Variants in NOX5 observed in about 807,000 individuals in gnomAD.
NOX5 encodes the protein NADPH oxidase, EF-hand calcium binding domain 5.
NOX5 carries 76 observed loss-of-function variants against 85.7 expected under a neutral mutation model. That is an observed-to-expected ratio of 0.89 (90% confidence interval 0.74 to 1.07). The LOEUF (loss-of-function observed/expected upper bound fraction) is 1.07. NOX5 is among the 50% of genes least tolerant of loss of function. The pLI, the probability that NOX5 is intolerant of heterozygous loss-of-function variation, is 0.00. For missense variants in NOX5, 973 were observed against 999.5 expected, an observed-to-expected ratio of 0.97 and a Z score of 0.36; for synonymous variants, 405 against 401.4, an observed-to-expected ratio of 1.01 and a Z score of -0.11.
At chr15:69,048,464 C>G (rs2050704008) in intron 13 of NOX5, among the ~76,000 whole-genome samples, 1 of 152,052 alleles carries the variant, frequency 6.6e-6, no homozygotes, top group South Asian at 2.1e-4. Context: ...GCCCAGGAGG[C>G]AGAGGTTGCA....
chr15:69,042,695 C>A lies in NOX5; in HGVS notation c.1537C>A (p.Gln513Lys). 6.2e-7 allele frequency: 1 copy of A among 1,614,050 alleles called. No homozygotes were observed. Among genetic ancestry groups the A allele is most frequent in the Non-Finnish European group, 8.5e-7 (1 of 1,180,034 alleles). Residue 513 changes from glutamine (Q) to lysine (K), a missense_variant, in exon 10 of 16, where the codon CAG becomes AAG. By Grantham distance (53) the Gln-to-Lys change is moderately conservative (BLOSUM62 1). Transcript: ENST00000388866. Reference protein sequence around the residue: ...TIWLHIRSQGQWTNRLYESFK... With the variant: ...TIWLHIRSQGKWTNRLYESFK... ...CTGGCTGCACATTCGGTCCCAAGGC[C>A]AGTGGACAAACAGGCTGTATGAGTC... is the stretch of plus-strand genomic sequence containing the variant.
chr15:69,034,546 G>C (rs1275138294), intron 5 of NOX5, among the ~76,000 whole-genome samples: 2 of 152,190 alleles, frequency 1.3e-5, no homozygotes, highest in Non-Finnish European at 2.9e-5. Context: ...AGTTAGCTTA[G>C]TTTTGGTAAA....
In NOX5 at chr15:69,047,500, ACC is replaced by A; in HGVS notation, c.1784_1785del (p.Pro595LeufsTer38). 1 of 1,613,766 alleles carries A rather than the reference ACC, an allele frequency of 6.2e-7. No homozygotes were observed. The highest frequency in any genetic ancestry group is 8.5e-7 in the Non-Finnish European group (1 of 1,179,916). ...GCTCATCGGGGCAGGCATCGGCATC[ACC>A]CCCTTTGCTTCCATTCTGCAGAGTA... ...AVLIGAGIGI[T>X]PFASILQSIM... On this transcript the variant is annotated frameshift_variant, in exon 12 of 16. Transcript: ENST00000388866. LOFTEE classifies it high-confidence loss of function.
rs769784392 is a variant in NOX5, at chr15:69,038,878, C to T, written c.1393C>T (p.Arg465Trp). Residue 465 changes from arginine (R) to tryptophan (W), a missense_variant, in exon 9 of 16, where the codon CGG becomes TGG. Transcript: ENST00000388866. The stretch of plus-strand genomic sequence containing the variant: ...CCAGGTCACTCATCTCCTCATCAAG[C>T]GGCCCCCTTTTTTTCACTATAGACC... ...PSKVTHLLIK[R>W]PPFFHYRPGD... is the part of the protein sequence containing the mutation. The T allele has an allele frequency of 1.4e-4, 229 of 1,614,022 alleles. No homozygotes were observed. Among genetic ancestry groups the T allele is most frequent in the African/African-American group, 1.9e-4 (14 of 74,918 alleles).
At chr15:69,043,771 A>G (rs2050626498) in intron 10 of NOX5, among the ~76,000 whole-genome samples, 1 of 152,180 alleles carries the variant, frequency 6.6e-6, no homozygotes, top group South Asian at 2.1e-4. Flanking sequence ...TTGGGACCTC[A>G]GTCACCTCTG....
At chr15:69,020,783 T>A (rs2140246159) in intron 1 of NOX5, among the ~76,000 whole-genome samples, 1 of 152,152 alleles carries the variant, frequency 6.6e-6, no homozygotes, top group East Asian at 1.9e-4. Flanking sequence ...AGAAACTAAA[T>A]AAACATTGCA....
At chr15:69,033,392 T>A in intron 5 of NOX5, 115 bp downstream of exon 5, 1 of 1,208,500 alleles carries the variant, frequency 8.3e-7, no homozygotes. Context: ...GGGTGGCACC[T>A]TAGAAATCAG....
Position 69,058,664 on chromosome 15 carries a change from C to T in NOX5, c.*1968C>T, listed in dbSNP as rs1052614950. On this transcript the variant is annotated 3_prime_UTR_variant, in exon 16 of 16. Transcript: ENST00000388866. ...GAGACCTGGTGTTGGGGCCTTCCAA[C>T]CAGATCGTGTTTAATTTCCAGCAAG... The T allele has an allele frequency of 2.0e-5, 3 of 152,162 alleles. No homozygotes were observed. Among genetic ancestry groups the T allele is most frequent in the Non-Finnish European group, 2.9e-5 (2 of 68,048 alleles). The allele number at this position is 152,162 out of a possible 1,614,324, so 9.4% of individuals were successfully genotyped here.
At chr15:69,054,542 T>C (rs781715734) in intron 14 of NOX5, among the ~76,000 whole-genome samples, 2 of 152,244 alleles carry the variant, frequency 1.3e-5, no homozygotes, top group Admixed American at 6.5e-5. Context: ...CATCCGAGGA[T>C]GCGGCTCCAG....
chr15:69,033,225 T>A lies in NOX5; in HGVS notation c.803T>A (p.Met268Lys). The part of the protein sequence containing the change: ...SAHRDLGASV[M>K]VAKGCGQCLN... ...CACCGGGACCTCGGCGCCAGCGTCATGGTGGCCAAGGGCTGCGGCCAGTGC... is the reference window on the plus strand; with the variant it reads ...CACCGGGACCTCGGCGCCAGCGTCAAGGTGGCCAAGGGCTGCGGCCAGTGC... Residue 268 changes from methionine (M) to lysine (K), a missense_variant, in exon 5 of 16, where the codon ATG (methionine) becomes AAG (lysine). Physicochemically the swap from Met to Lys is moderately conservative, Grantham distance 95. Transcript: ENST00000388866. The A allele has an allele frequency of 6.3e-7, 1 of 1,598,200 alleles. No homozygotes were observed. The highest frequency in any genetic ancestry group is 8.5e-7 in the Non-Finnish European group (1 of 1,179,252).
chr15:69,015,797 G>C (rs1295517141), intron 1 of NOX5, among the ~76,000 whole-genome samples: 1 of 151,782 alleles, frequency 6.6e-6, no homozygotes, highest in Non-Finnish European at 1.5e-5. Flanking sequence ...GAATGTCTTT[G>C]GGGGGGCAGT....
intron 3 of NOX5, chr15:69,031,302 GT>G (rs1189248513): frequency 3.4e-6 from 2 of 581,706 alleles, no homozygotes; most frequent in African/African-American, 3.7e-5. Flanking sequence ...TACTTAGGGA[GT>G]TACCGATTCT....
At chr15:69,045,609 C>T (rs1208975879) in intron 10 of NOX5, among the ~76,000 whole-genome samples, 21 of 44,110 alleles carry the variant, frequency 4.8e-4, no homozygotes, top group African/African-American at 1.8e-3. Flanking sequence ...TTTTTTTTTT[C>T]TCTCTCTCTC....
Position 69,049,011 on chromosome 15 carries a change from G to A in NOX5, c.1952G>A (p.Ser651Asn). 5 of 1,612,926 alleles carry A rather than the reference G, an allele frequency of 3.1e-6. No individual in the cohort carries two copies. Among genetic ancestry groups the A allele is most frequent in the Non-Finnish European group, 4.2e-6 (5 of 1,179,680 alleles). The change falls in exon 14 of 16, where the codon AGC becomes AAC. Residue 651 changes from serine (S) to asparagine (N), a missense_variant. Transcript: ENST00000388866. ...CAGCGGTCTTTCGAGTGGTTTGTGA[G>A]CCTGCTGACTAAACTGGAGATGGAC... ...RDQRSFEWFVSLLTKLEMDQA... is the reference protein window; with the variant it reads ...RDQRSFEWFVNLLTKLEMDQA...
intron 4 of NOX5, 89 bp downstream of exon 4, chr15:69,031,901 C>A: frequency 7.3e-7 from 1 of 1,361,978 alleles, no homozygotes; most frequent in Non-Finnish European, 1.0e-6. Context: ...CGGATCCACT[C>A]TGCCCTACCC....
chr15:69,024,773 G>A (rs558284736), intron 1 of NOX5, among the ~76,000 whole-genome samples: 3 of 152,174 alleles, frequency 2.0e-5, no homozygotes, highest in South Asian at 2.1e-4. Flanking sequence ...CCACTAAGGG[G>A]CTTAAAAAGT....
At chr15:69,034,957 G>T (rs547057956) in intron 5 of NOX5, among the ~76,000 whole-genome samples, 40 of 152,060 alleles carry the variant, frequency 2.6e-4, no homozygotes, top group Admixed American at 4.6e-4. Flanking sequence ...TAGAGACAGG[G>T]GTCTCGCTGT....
chr15:69,035,579 C>A, intron 6 of NOX5, 72 bp downstream of exon 6: 1 of 1,581,396 alleles, frequency 6.3e-7, no homozygotes, highest in Non-Finnish European at 8.6e-7. Flanking sequence ...CAGGGCCCAG[C>A]CCCTGTGTGT....
In NOX5 at chr15:69,060,635, T is replaced by C. The variant is rs891321038; in HGVS notation, c.*3939T>C. The C allele has an allele frequency of 6.6e-6, 1 of 152,206 alleles. No homozygotes were observed. Among genetic ancestry groups the C allele is most frequent in the African/African-American group, 2.4e-5 (1 of 41,454 alleles). 9.4% of individuals were successfully genotyped at this position (152,206 alleles called of 1,614,324 possible). Reference sequence around the variant, plus strand: ...TTTTACTTTTTGCCCTTCTGTAAAGTTTAAGTTTTTATTAATATTATAGTT... The same window carrying C: ...TTTTACTTTTTGCCCTTCTGTAAAGCTTAAGTTTTTATTAATATTATAGTT... On this transcript the variant is annotated 3_prime_UTR_variant, in exon 16 of 16. Coordinates refer to ENST00000388866, the MANE Select transcript of NOX5 (RefSeq NM_024505.4).
Sources: gnomAD v4.1 joint callset for allele counts (sites outside exome capture counted in the v4.1 genomes callset) on GRCh38, gnomAD v4.1.1 for gene constraint, MANE v1.5 for transcripts, NCBI Gene and HGNC (gene_info 2026-07-23, HGNC 2026-07-21) for gene names.